Variants in N4BP2L2 observed in about 807,000 individuals in gnomAD.
N4BP2L2 encodes the protein NEDD4 binding protein 2 like 2, also known as NEDD4-binding protein 2-like 2.
N4BP2L2 carries 50 observed loss-of-function variants against 56.2 expected under a neutral mutation model. The ratio of observed to expected loss-of-function variants is 0.89; its 90% CI spans 0.71 to 1.13. N4BP2L2 has a LOEUF of 1.13. Among genes scored for constraint, N4BP2L2 ranks in the 50% most tolerant of loss-of-function variants. The pLI is 0.00. For synonymous variants in N4BP2L2, 203 were observed against 223.6 expected (o/e 0.91, Z 0.82); for missense variants, 689 against 693.8 (o/e 0.99, Z 0.08).
Position 32,450,074 on chromosome 13 carries a change from A to G in N4BP2L2, c.366-5948T>C, listed in dbSNP as rs185092674. On this transcript the variant is annotated intron_variant, in intron 6 of 9. Transcript: ENST00000357505. ...TGAGTGCACTAATATGGAACACCACATCCAACAATTGGTGAAAACACATTC... is the reference window on the plus strand; with the variant it reads ...TGAGTGCACTAATATGGAACACCACGTCCAACAATTGGTGAAAACACATTC... Among the ~76,000 whole-genome samples the G allele has an allele frequency of 4.1e-3, 626 of 152,344 alleles. 5 individuals are homozygous for G. Among genetic ancestry groups the G allele is most frequent in the African/African-American group, 0.014 (582 of 41,570 alleles).
chr13:32,517,680 C>G, exon 6 of N4BP2L2: 1 of 1,424,440 alleles, frequency 7.0e-7, no homozygotes, highest in Non-Finnish European at 9.1e-7. Flanking sequence ...AAACAACTTG[C>G]TGGGAACATC....
At chr13:32,529,887 G>A (rs537300032) in intron 2 of N4BP2L2, among the ~76,000 whole-genome samples, 7 of 151,768 alleles carry the variant, frequency 4.6e-5, no homozygotes, top group South Asian at 2.1e-4. Context: ...CATCACGCCC[G>A]GCTAATTTTT....
Position 32,517,856 on chromosome 13 carries a change from CCT to C in N4BP2L2, c.1696_1697del (p.Arg566ValfsTer9), listed in dbSNP as rs2049595705. 1 of 1,614,046 alleles carries C rather than the reference CCT, an allele frequency of 6.2e-7. No individual in the cohort carries two copies. ...TATGTGAGCCAAGAGAGCCTCCCCACCTCTGTCTCCCCTGTGGAGGAGGAGGT... is the reference window on the plus strand; with the variant it reads ...TATGTGAGCCAAGAGAGCCTCCCCACCTGTCTCCCCTGTGGAGGAGGAGGT... On this transcript the variant is annotated frameshift_variant, in exon 6 of 6. Coordinates refer to ENST00000267068, the Ensembl canonical transcript of N4BP2L2. LOFTEE classifies it high-confidence loss of function.
intron 6 of N4BP2L2, among the ~76,000 whole-genome samples, chr13:32,475,838 A>G (rs1203318260): frequency 6.6e-6 from 1 of 152,228 alleles, no homozygotes; most frequent in East Asian, 1.9e-4. Flanking sequence ...ATATACTACA[A>G]TGAAAATAAG....
intron 6 of N4BP2L2, among the ~76,000 whole-genome samples, chr13:32,462,363 C>T (rs73460536): frequency 0.011 from 1,623 of 152,176 alleles, 37 homozygotes; most frequent in African/African-American, 0.036. Context: ...ATCACATGTT[C>T]TCATTCATAC....
intron 6 of N4BP2L2, among the ~76,000 whole-genome samples, chr13:32,495,376 C>T (rs1230370942): frequency 6.6e-6 from 1 of 152,176 alleles, no homozygotes; most frequent in Non-Finnish European, 1.5e-5. Context: ...CCTTCTCTAG[C>T]ACAGTAACCA....
chr13:32,517,839 C>T (rs2049589502), exon 6 of N4BP2L2: 4 of 1,613,804 alleles, frequency 2.5e-6, no homozygotes, highest in Non-Finnish European at 3.4e-6. Context: ...ATTATGTGAG[C>T]CAAGAGAGCC....
chr13:32,507,134 GA>G (rs961592205), downstream of N4BP2L2: 2 of 152,100 alleles, frequency 1.3e-5, no homozygotes, highest in Non-Finnish European at 2.9e-5. Context: ...ATATGAGGGG[GA>G]AAGAAGGCAT....
chr13:32,511,526 T>C (rs1207566505), exon 6 of N4BP2L2: 1 of 152,202 alleles, frequency 6.6e-6, no homozygotes, highest in East Asian at 1.9e-4. Context: ...ATGATTAACA[T>C]AATAGATTTT....
intron 5 of N4BP2L2, among the ~76,000 whole-genome samples, chr13:32,520,961 A>T (rs1342896965): frequency 1.3e-5 from 2 of 152,194 alleles, no homozygotes; most frequent in Non-Finnish European, 1.5e-5. Flanking sequence ...TTGCTGCAGA[A>T]ATATTAAGAT....
At chr13:32,536,184 G>C in exon 2 of N4BP2L2, 2 of 1,614,166 alleles carry the variant, frequency 1.2e-6, no homozygotes, top group South Asian at 2.2e-5. Flanking sequence ...AAACTGGGAA[G>C]AGGGGGACCA....
chr13:32,496,850 T>C (rs2139459426), intron 6 of N4BP2L2, among the ~76,000 whole-genome samples: 1 of 152,302 alleles, frequency 6.6e-6, no homozygotes, highest in Middle Eastern at 3.4e-3. Flanking sequence ...TTAAGAGACA[T>C]CTTGTAATGA....
intron 6 of N4BP2L2, chr13:32,478,687 C>T (rs1296956008): frequency 6.6e-6 from 1 of 152,218 alleles, no homozygotes; most frequent in South Asian, 2.1e-4. Context: ...GAGACATTAA[C>T]CCATCTGGAA....
At chr13:32,532,482 C>T (rs2055107109) in intron 2 of N4BP2L2, among the ~76,000 whole-genome samples, 1 of 151,988 alleles carries the variant, frequency 6.6e-6, no homozygotes, top group Non-Finnish European at 1.5e-5. Context: ...ATCAAATATC[C>T]TATTACCATG....
intron 3 of N4BP2L2, chr13:32,526,817 T>TG (rs1432229002): frequency 2.7e-5 from 3 of 111,870 alleles, no homozygotes; most frequent in Non-Finnish European, 3.7e-5. Context: ...ACTTTTTGTC[T>TG]GTTTTTTTTT....
intron 2 of N4BP2L2, among the ~76,000 whole-genome samples, chr13:32,532,818 T>TGACCTCATGATCCACCTGCCTC (rs1276036952): frequency 6.6e-6 from 1 of 151,840 alleles, no homozygotes; most frequent in Non-Finnish European, 1.5e-5. Context: ...CTCGATCTCT[T>TGACCTCATGATCCACCTGCCTC]GACCTCATGA....
intron 6 of N4BP2L2, among the ~76,000 whole-genome samples, chr13:32,463,918 CAAAA>C (rs58685358): frequency 1.9e-4 from 12 of 64,176 alleles, no homozygotes; most frequent in Admixed American, 1.4e-3. Context: ...TGCCCATGAC[CAAAA>C]AAAAAAAAAA....
intron 6 of N4BP2L2, among the ~76,000 whole-genome samples, chr13:32,462,807 A>C (rs1483340187): frequency 2.7e-5 from 4 of 148,802 alleles, no homozygotes; most frequent in Non-Finnish European, 1.5e-5. Flanking sequence ...GGGCGGATCA[A>C]AAGGTCAGGA....
intron 5 of N4BP2L2, 107 bp from the exon 6 acceptor site, chr13:32,518,110 TA>T: frequency 9.9e-7 from 1 of 1,010,048 alleles, no homozygotes; most frequent in East Asian, 2.7e-5. Flanking sequence ...ATTTTGTAAA[TA>T]AACAATATAT....
Sources: gnomAD v4.1 joint callset for allele counts (sites outside exome capture counted in the v4.1 genomes callset) on GRCh38, gnomAD v4.1.1 for gene constraint, MANE v1.5 for transcripts, NCBI Gene and HGNC (gene_info 2026-07-23, HGNC 2026-07-21) for gene names.